MACROD2: variants seen among roughly 807,000 people sequenced by gnomAD.
The protein encoded by MACROD2 is ADP-ribose glycohydrolase MACROD2.
Under a neutral mutation model 70.4 loss-of-function variants are expected in MACROD2, and 36 were observed. That is an observed-to-expected ratio of 0.51 (90% confidence interval 0.39 to 0.68). MACROD2 has a LOEUF of 0.68. Ranked by LOEUF, MACROD2 falls within the 30% of genes least tolerant of loss-of-function variation. The pLI, the probability that MACROD2 is intolerant of heterozygous loss-of-function variation, is 0.00. For missense variants in MACROD2, 496 were observed against 538.4 expected, an observed-to-expected ratio of 0.92 and a Z score of 0.78; for synonymous variants, 172 against 178.8, an observed-to-expected ratio of 0.96 and a Z score of 0.30.
intron 5 of MACROD2, among the ~76,000 whole-genome samples, chr20:15,027,747 G>C (rs111765132): frequency 6.6e-6 from 1 of 151,432 alleles, no homozygotes; most frequent in African/African-American, 2.4e-5. Context: ...TCTTATGAGA[G>C]TGAATGTTCT....
intron 5 of MACROD2, among the ~76,000 whole-genome samples, chr20:14,855,471 C>T (rs1034103235): frequency 7.2e-5 from 11 of 152,028 alleles, no homozygotes; most frequent in African/African-American, 1.2e-4. Context: ...CTGACAGCAT[C>T]ATAATTTTCC....
Position 15,261,330 on chromosome 20 carries a change from C to G in MACROD2, c.540+31269C>G, listed in dbSNP as rs181112916. Among the ~76,000 whole-genome samples the G allele has an allele frequency of 1.3e-3, 194 of 152,048 alleles. 2 individuals carry two copies. The highest frequency in any genetic ancestry group is 8.1e-4 in the Non-Finnish European group (55 of 67,896). On this transcript the variant is annotated intron_variant, in intron 6 of 17. Coordinates refer to ENST00000684519, the MANE Select transcript of MACROD2 (RefSeq NM_001351661.2). ...TAGAAAACATTTCAAAAGGGCCACT[C>G]TAGGATTTAATACTATCAATAATAG...
intron 8 of MACROD2, among the ~76,000 whole-genome samples, chr20:15,711,747 A>G (rs752760068): frequency 2.0e-5 from 3 of 152,218 alleles, no homozygotes; most frequent in Admixed American, 6.5e-5. Flanking sequence ...ACTGGCTTGT[A>G]TCACTCCCTG....
chr20:15,887,748 A>G (rs752280068), intron 10 of MACROD2, among the ~76,000 whole-genome samples: 42 of 152,302 alleles, frequency 2.8e-4, no homozygotes, highest in East Asian at 3.9e-4. Context: ...AAGTGAAAGG[A>G]AGAACGTAAG....
At chr20:14,160,839 A>C (rs971913001) in intron 3 of MACROD2, among the ~76,000 whole-genome samples, 1 of 151,934 alleles carries the variant, frequency 6.6e-6, no homozygotes, top group African/African-American at 2.4e-5. Flanking sequence ...ACTTTTTAAA[A>C]ATTTTTATTT....
At chr20:15,569,044 C>A (rs1161527790) in intron 8 of MACROD2, among the ~76,000 whole-genome samples, 1 of 152,084 alleles carries the variant, frequency 6.6e-6, no homozygotes, top group Non-Finnish European at 1.5e-5. Context: ...CACGTGACTT[C>A]CCCCAATAAT....
At chr20:14,935,411 A>G (rs1600846909) in intron 5 of MACROD2, 1 of 152,080 alleles carries the variant, frequency 6.6e-6, no homozygotes, top group East Asian at 1.9e-4. Flanking sequence ...TACCCCAGAG[A>G]CTTAGTGAAT....
chr20:14,326,461 T>A lies in MACROD2; in HGVS notation c.272-167018T>A. 1.2e-6 allele frequency: 2 copies of A among 1,613,882 alleles called. No homozygotes were observed. The highest frequency in any genetic ancestry group is 2.2e-5 in the East Asian group (1 of 44,878). ...GTCCTTACAATCAAACAGTTCTGCATTGAGATCCTTAATAGCCATCCCACG... is the reference window on the plus strand; with the variant it reads ...GTCCTTACAATCAAACAGTTCTGCAATGAGATCCTTAATAGCCATCCCACG... On this transcript the variant is annotated intron_variant, in intron 3 of 17. Transcript: ENST00000684519. The surrounding 1 kb of genome is among the most constrained non-coding windows in gnomAD (Gnocchi z 5.5).
At chr20:15,593,046 C>A (rs967707667) in intron 8 of MACROD2, among the ~76,000 whole-genome samples, 1 of 152,306 alleles carries the variant, frequency 6.6e-6, no homozygotes, top group South Asian at 2.1e-4. Flanking sequence ...GACACACAAG[C>A]ACACACAAAC....
intron 8 of MACROD2, among the ~76,000 whole-genome samples, chr20:15,748,867 A>G (rs2051225964): frequency 6.6e-6 from 1 of 152,150 alleles, no homozygotes; most frequent in Admixed American, 6.6e-5. Context: ...GTGGAGGGCT[A>G]TAGTAAGAAG....
chr20:15,072,618 A>G (rs1035886391), intron 5 of MACROD2, among the ~76,000 whole-genome samples: 2 of 152,094 alleles, frequency 1.3e-5, no homozygotes, highest in African/African-American at 2.4e-5. Context: ...TTTCCTTTCC[A>G]TCAATTACTT....
rs188337123 is a variant in MACROD2 at position 15,718,551 on chromosome 20, G to A, written c.646-144194G>A. 4.0e-3 allele frequency among the ~76,000 whole-genome samples: 606 copies of A among 152,332 alleles called. 2 individuals are homozygous for A. The highest frequency in any genetic ancestry group is 6.2e-3 in the Non-Finnish European group (422 of 68,024). The stretch of plus-strand genomic sequence containing the variant: ...TTTGTTCAGTCCTCACCAAGGCAAT[G>A]TAGGGTGGATAAGCAGTGTAGGGTG... On this transcript the variant is annotated intron_variant, in intron 8 of 17. Coordinates refer to ENST00000684519, the MANE Select transcript of MACROD2 (RefSeq NM_001351661.2).
At chr20:14,622,388 A>G (rs1983883093) in intron 4 of MACROD2, among the ~76,000 whole-genome samples, 1 of 152,166 alleles carries the variant, frequency 6.6e-6, no homozygotes, top group Admixed American at 6.5e-5. Context: ...GTGCAGTCAT[A>G]TATGTGTACA....
chr20:15,379,534 G>C (rs2045612391), intron 6 of MACROD2, among the ~76,000 whole-genome samples: 1 of 151,676 alleles, frequency 6.6e-6, no homozygotes, highest in Non-Finnish European at 1.5e-5. Context: ...CAAATGATGT[G>C]ATACGATCAT....
At position 15,517,124 on chromosome 20, in the gene MACROD2, C is replaced by G. The variant is rs1370871304; in HGVS notation, c.645+17277C>G. 3.3e-5 allele frequency among the ~76,000 whole-genome samples: 5 copies of G among 152,066 alleles called. No homozygotes were observed. In the South Asian group the frequency reaches 6.2e-4, roughly 19 times the overall value. ...CTGGGAAGGATCCATAGGTTCTGCT[C>G]AACTACTGAAGAGGTCCATGTTACT... On this transcript the variant is annotated intron_variant, in intron 8 of 17. Transcript: ENST00000684519.
chr20:14,230,701 G>T lies in MACROD2; in HGVS notation c.271+144973G>T, dbSNP rs867867098. On this transcript the variant is annotated intron_variant, in intron 3 of 17. Coordinates refer to ENST00000684519, the MANE Select transcript of MACROD2 (RefSeq NM_001351661.2). ...TATATATATATATATATATATATATGGGCCCAGCCTATGTTATAATTTGAC... is the reference window on the plus strand; with the variant it reads ...TATATATATATATATATATATATATTGGCCCAGCCTATGTTATAATTTGAC... Among the ~76,000 whole-genome samples the T allele has an allele frequency of 7.7e-5, 7 of 90,570 alleles. 1 individual carries two copies. The highest frequency in any genetic ancestry group is 3.7e-4 in the Admixed American group (3 of 8,020). The allele number at this position is 90,570 out of a possible 152,430, so 59.4% of individuals were successfully genotyped here. A position where few individuals can be genotyped will look rare whatever the true frequency, so the allele number is the denominator to read the frequency against.
chr20:15,174,341 T>C (rs2076443993), intron 5 of MACROD2, among the ~76,000 whole-genome samples: 2 of 152,234 alleles, frequency 1.3e-5, no homozygotes, highest in Admixed American at 1.3e-4. Context: ...CACATATTTT[T>C]TAAGTAAAAT....
At chr20:15,434,874 T>C (rs563319626) in intron 7 of MACROD2, among the ~76,000 whole-genome samples, 68 of 152,070 alleles carry the variant, frequency 4.5e-4, no homozygotes, top group Non-Finnish European at 4.7e-4. Context: ...TTTGCAGCAA[T>C]GTGGATGGAG....
chr20:16,001,099 T>G (rs1851178199), intron 15 of MACROD2, among the ~76,000 whole-genome samples: 2 of 152,240 alleles, frequency 1.3e-5, no homozygotes, highest in Non-Finnish European at 1.5e-5. Flanking sequence ...GATTTGGATT[T>G]CAAATGTAAG....
Sources: allele counts gnomAD v4.1 joint callset (sites outside exome capture counted in the v4.1 genomes callset), GRCh38; gene constraint gnomAD v4.1.1; non-coding constraint Gnocchi (gnomAD v3.1); transcripts MANE v1.5; gene names NCBI Gene and HGNC (gene_info 2026-07-23, HGNC 2026-07-21).